COP1: variants seen among roughly 807,000 people sequenced by gnomAD.
COP1 encodes COP1 E3 ubiquitin ligase, also known as E3 ubiquitin-protein ligase COP1.
Under a neutral mutation model 101.3 loss-of-function variants are expected in COP1, and 24 were observed. The observed-to-expected ratio is 0.24, with a 90% CI of 0.17 to 0.33. The LOEUF (loss-of-function observed/expected upper bound fraction) is 0.33, where lower values mean the gene tolerates loss of function less well. Among genes scored for constraint, COP1 ranks in the 10% least tolerant of loss-of-function variants. The probability of loss-of-function intolerance (pLI) is 1.00; values close to 1 mark genes in which losing one functional copy is unlikely to be tolerated. For missense variants in COP1, 663 were observed against 906.2 expected (o/e 0.73, Z 3.45); for synonymous variants, 347 against 341.9 (o/e 1.01, Z -0.17).
chr1:175,962,119 T>A (rs1651450509), intron 18 of COP1, among the ~76,000 whole-genome samples: 1 of 152,098 alleles, frequency 6.6e-6, no homozygotes, highest in Non-Finnish European at 1.5e-5. Context: ...ATAGGAGCAG[T>A]TTTTCTTTGG....
Position 175,944,916 on chromosome 1 carries a change from C to T in COP1, c.*237G>A. On this transcript the variant is annotated 3_prime_UTR_variant, in exon 20 of 20. Coordinates refer to ENST00000367669, the MANE Select transcript of COP1 (RefSeq NM_022457.7). ...CTATCACAAAAATTAGATAACACCACCAAGAGCAGCAATGTCCATGGAGTT... is the reference window on the plus strand; with the variant it reads ...CTATCACAAAAATTAGATAACACCATCAAGAGCAGCAATGTCCATGGAGTT... The T allele has an allele frequency of 4.6e-6, 2 of 436,084 alleles. No individual in the cohort carries two copies. The highest frequency in any genetic ancestry group is 8.3e-6 in the Non-Finnish European group (2 of 241,254). 27.0% of individuals were successfully genotyped at this position (436,084 alleles called of 1,614,324 possible).
At chr1:175,963,612 C>T (rs1651652822) in intron 18 of COP1, among the ~76,000 whole-genome samples, 1 of 152,108 alleles carries the variant, frequency 6.6e-6, no homozygotes, top group Non-Finnish European at 1.5e-5. Flanking sequence ...ACTTAGTATA[C>T]TGCCTGGTTG....
intron 18 of COP1, among the ~76,000 whole-genome samples, chr1:175,954,449 T>G (rs556277575): frequency 6.6e-6 from 1 of 151,448 alleles, no homozygotes; most frequent in Non-Finnish European, 1.5e-5. Context: ...CAGAAAAAGG[T>G]AAAAAAGTAT....
intron 18 of COP1, among the ~76,000 whole-genome samples, chr1:175,955,421 C>CAGACT (rs1372674772): frequency 1.3e-5 from 2 of 152,114 alleles, no homozygotes; most frequent in Non-Finnish European, 2.9e-5. Flanking sequence ...CTTTCTCTCT[C>CAGACT]AGACTAGGAA....
intron 5 of COP1, among the ~76,000 whole-genome samples, chr1:176,151,999 G>T (rs1224355948): frequency 6.7e-6 from 1 of 149,546 alleles, no homozygotes; most frequent in African/African-American, 2.5e-5. Flanking sequence ...AATGGCATAC[G>T]CAAGTTATTT....
At chr1:176,008,743 T>C (rs943214655) in intron 15 of COP1, among the ~76,000 whole-genome samples, 7 of 152,220 alleles carry the variant, frequency 4.6e-5, no homozygotes, top group African/African-American at 1.7e-4. Flanking sequence ...ATTGGCGGTG[T>C]TGCTGTTTGT....
At chr1:176,098,375 G>C (rs1401793920) in intron 9 of COP1, among the ~76,000 whole-genome samples, 1 of 152,152 alleles carries the variant, frequency 6.6e-6, no homozygotes. Context: ...ATTATAAGAA[G>C]GTGTGGAAAT....
At chr1:175,991,631 T>C (rs142057058) in intron 15 of COP1, among the ~76,000 whole-genome samples, 4 of 152,348 alleles carry the variant, frequency 2.6e-5, no homozygotes, top group African/African-American at 9.6e-5. Flanking sequence ...ACTCTTGTAA[T>C]AACACTTAGC....
chr1:175,961,885 C>T (rs775061502), intron 18 of COP1, among the ~76,000 whole-genome samples: 4 of 148,480 alleles, frequency 2.7e-5, no homozygotes, highest in South Asian at 2.2e-4. Context: ...CAAAGGGACA[C>T]GGTCATGCAC....
At chr1:176,156,128 A>C (rs1192567990) in intron 5 of COP1, among the ~76,000 whole-genome samples, 1 of 152,136 alleles carries the variant, frequency 6.6e-6, no homozygotes, top group East Asian at 1.9e-4. Flanking sequence ...GAGACTTATA[A>C]CATGGTTTGA....
At chr1:176,068,658 C>A (rs923993082) in intron 11 of COP1, among the ~76,000 whole-genome samples, 1 of 152,154 alleles carries the variant, frequency 6.6e-6, no homozygotes, top group African/African-American at 2.4e-5. Context: ...CCACATGAAA[C>A]CTTGAATGAA....
intron 14 of COP1, among the ~76,000 whole-genome samples, chr1:176,042,089 G>A (rs116773030): frequency 0.014 from 2,078 of 151,964 alleles, 54 homozygotes; most frequent in African/African-American, 0.048. Flanking sequence ...TCCAGTCTGG[G>A]CAGCAGAGCG....
At chr1:176,014,858 C>T (rs4652143) in intron 15 of COP1, among the ~76,000 whole-genome samples, 15,295 of 151,928 alleles carry the variant, frequency 0.1, 1,066 homozygotes, top group African/African-American at 0.19. Context: ...ATCTATTATG[C>T]GCAGTTGTAA....
intron 8 of COP1, among the ~76,000 whole-genome samples, chr1:176,132,403 A>G (rs1341445020): frequency 6.6e-6 from 1 of 151,780 alleles, no homozygotes; most frequent in East Asian, 1.9e-4. Flanking sequence ...GCAGTCATGC[A>G]TCACTCAATG....
intron 18 of COP1, among the ~76,000 whole-genome samples, chr1:175,962,037 G>GT: frequency 6.6e-6 from 1 of 152,248 alleles, no homozygotes; most frequent in East Asian, 1.9e-4. Flanking sequence ...TAGAAAATAA[G>GT]TAAGATTAAT....
chr1:176,150,810 AAAAGG>A (rs1692304147), intron 5 of COP1, among the ~76,000 whole-genome samples: 2 of 152,216 alleles, frequency 1.3e-5, no homozygotes, highest in African/African-American at 4.8e-5. Flanking sequence ...ATGTCAATGT[AAAAGG>A]AAAGTGGGTC....
chr1:175,948,592 G>A (rs183050375), intron 18 of COP1, among the ~76,000 whole-genome samples: 2 of 152,214 alleles, frequency 1.3e-5, no homozygotes, highest in African/African-American at 2.4e-5. Context: ...TGCAAGTTGC[G>A]CTTTACAAAC....
intron 15 of COP1, among the ~76,000 whole-genome samples, chr1:176,013,665 C>T (rs1006988873): frequency 3.0e-4 from 46 of 152,210 alleles, no homozygotes; most frequent in African/African-American, 9.9e-4. Context: ...AAATTAGACA[C>T]AGAATTTTAA....
intron 9 of COP1, among the ~76,000 whole-genome samples, chr1:176,097,320 C>CTGGTCATTAATGTTTAAAT (rs1682577491): frequency 3.3e-5 from 5 of 152,046 alleles, no homozygotes; most frequent in African/African-American, 1.2e-4. Flanking sequence ...CCTCATGGAA[C>CTGGTCATTAATGTTTAAAT]ACCAGTAATT....
Sources: allele counts gnomAD v4.1 joint callset (sites outside exome capture counted in the v4.1 genomes callset), GRCh38; gene constraint gnomAD v4.1.1; transcripts MANE v1.5; gene names NCBI Gene and HGNC (gene_info 2026-07-23, HGNC 2026-07-21).